The following BCL7A variants were observed in gnomAD, a reference collection of about 807,000 sequenced individuals.
The protein encoded by BCL7A is BAF chromatin remodeling complex subunit BCL7A.
Under a neutral mutation model 28.4 loss-of-function variants are expected in BCL7A, and 11 were observed. That is an observed-to-expected ratio of 0.39 (90% CI 0.24 to 0.64). The LOEUF (loss-of-function observed/expected upper bound fraction) is 0.64. BCL7A is among the 30% of genes least tolerant of loss of function. BCL7A has a pLI of 0.50. For missense variants in BCL7A, 222 were observed against 274.8 expected (o/e 0.81, Z 1.36); for synonymous variants, 123 against 103.3 (o/e 1.19, Z -1.15).
At chr12:122,026,099 C>G (rs1883623854) in intron 1 of BCL7A, among the ~76,000 whole-genome samples, 1 of 151,550 alleles carries the variant, frequency 6.6e-6, no homozygotes, top group Non-Finnish European at 1.5e-5. Flanking sequence ...AACCCCATCT[C>G]TACTAAAAAT....
chr12:122,042,196 T>A (rs1342991276), intron 3 of BCL7A, among the ~76,000 whole-genome samples: 1 of 152,208 alleles, frequency 6.6e-6, no homozygotes, highest in Admixed American at 6.5e-5. Context: ...CTTCTCTTTC[T>A]TCTTTGTATT....
intron 5 of BCL7A, among the ~76,000 whole-genome samples, chr12:122,056,104 C>T (rs1159290270): frequency 1.3e-5 from 2 of 152,192 alleles, no homozygotes; most frequent in Non-Finnish European, 2.9e-5. Flanking sequence ...AACATTCTTG[C>T]AGCGTGCAGT....
At chr12:122,023,728 T>A (rs1883535388) in intron 1 of BCL7A, among the ~76,000 whole-genome samples, 1 of 152,010 alleles carries the variant, frequency 6.6e-6, no homozygotes, top group Admixed American at 6.5e-5. Flanking sequence ...CTGGAGCCAT[T>A]TAAAAATGGC....
intron 4 of BCL7A, among the ~76,000 whole-genome samples, chr12:122,046,060 TAAAAAAAAAAAAAA>T (rs776315126): frequency 4.8e-5 from 3 of 62,864 alleles, no homozygotes; most frequent in African/African-American, 2.0e-4. Context: ...GAGACCTTGC[TAAAAAAAAAAAAAA>T]AAAAAAAAAG....
chr12:122,025,168 C>G (rs1883590373), intron 1 of BCL7A, among the ~76,000 whole-genome samples: 1 of 152,074 alleles, frequency 6.6e-6, no homozygotes, highest in African/African-American at 2.4e-5. Context: ...GAGAAGACCC[C>G]AGGGCGATGG....
intron 3 of BCL7A, 60 bp downstream of exon 3, chr12:122,035,487 G>C (rs1204986992): frequency 6.8e-7 from 1 of 1,473,660 alleles, no homozygotes; most frequent in East Asian, 2.3e-5. Flanking sequence ...CCAAGCACTC[G>C]GTCATGTTTT....
At chr12:122,048,574 A>G (rs1028973845) in intron 4 of BCL7A, among the ~76,000 whole-genome samples, 7 of 151,978 alleles carry the variant, frequency 4.6e-5, no homozygotes, top group Non-Finnish European at 1.5e-5. Context: ...AACGTGGTGA[A>G]ACCCTGTCTT....
At position 122,060,845 on chromosome 12, in the gene BCL7A, T is replaced by C. The variant is rs1767368412; in HGVS notation, c.*1682T>C. Reference sequence around the variant, plus strand: ...TCCTGCACTTCGAGAAGAATCAAAATGTTCCTGAATTTCAAATACCTCATG... The same window carrying C: ...TCCTGCACTTCGAGAAGAATCAAAACGTTCCTGAATTTCAAATACCTCATG... On this transcript the variant is annotated 3_prime_UTR_variant, in exon 6 of 6. Coordinates refer to ENST00000261822, the MANE Select transcript of BCL7A (RefSeq NM_001024808.3). 1 of 228,116 alleles carries C rather than the reference T, an allele frequency of 4.4e-6. No homozygotes were observed. The highest frequency in any genetic ancestry group is 6.3e-5 in the East Asian group (1 of 15,988). The allele number at this position is 228,116 out of a possible 1,614,324, so 14.1% of individuals were successfully genotyped here.
intron 3 of BCL7A, among the ~76,000 whole-genome samples, chr12:122,041,582 A>C (rs1364434397): frequency 6.7e-6 from 1 of 148,220 alleles, no homozygotes; most frequent in Non-Finnish European, 1.5e-5. Context: ...TGGGCAACAT[A>C]GTGAGACCCC....
chr12:122,027,735 G>A (rs191411013), intron 1 of BCL7A, among the ~76,000 whole-genome samples: 143 of 152,080 alleles, frequency 9.4e-4, no homozygotes, highest in African/African-American at 3.1e-3. Context: ...TACTCAGGAG[G>A]CTGAGGCAGG....
intron 1 of BCL7A, among the ~76,000 whole-genome samples, chr12:122,022,406 A>G (rs1883484196): frequency 2.1e-5 from 3 of 141,186 alleles, no homozygotes; most frequent in Admixed American, 6.9e-5. Flanking sequence ...TCGCGCCTGT[A>G]GCCCACCTGG....
chr12:122,022,246 G>A, intron 1 of BCL7A, 63 bp downstream of exon 1: 4 of 1,058,350 alleles, frequency 3.8e-6, no homozygotes, highest in Non-Finnish European at 4.7e-6. Flanking sequence ...CGCGGCTCCA[G>A]AGAGCCGCGG....
chr12:122,058,256 G>C (rs1421598803), intron 5 of BCL7A, among the ~76,000 whole-genome samples: 1 of 152,192 alleles, frequency 6.6e-6, no homozygotes, highest in East Asian at 1.9e-4. Context: ...TGTAATCCTA[G>C]CACTCTGGGA....
intron 1 of BCL7A, among the ~76,000 whole-genome samples, 166 bp downstream of exon 1, chr12:122,022,349 C>T (rs1330986450): frequency 7.0e-6 from 1 of 143,758 alleles, no homozygotes; most frequent in Non-Finnish European, 1.5e-5. Flanking sequence ...GCGCGCGAGC[C>T]GGGTCACCTG....
intron 1 of BCL7A, among the ~76,000 whole-genome samples, chr12:122,024,247 T>C (rs1883558892): frequency 6.6e-6 from 1 of 152,314 alleles, no homozygotes; most frequent in Admixed American, 6.5e-5. Flanking sequence ...AGCTTCCAGT[T>C]CACTTCGTTG....
rs1156239345 is a variant in BCL7A at position 122,043,907 on chromosome 12, C to T, written c.293C>T (p.Ser98Phe). The change falls in exon 4 of 6, where the codon TCC becomes TTC. Residue 98 changes from serine (S) to phenylalanine (F), a missense_variant. Transcript: ENST00000261822. ...DMHDDNSNQS[S>F]IADASPIKQE... ...ACAGACGATAACAGCAACCAGAGCTCCATCGCAGATGCCTCCCCCATCAAA... is the reference window on the plus strand; with the variant it reads ...ACAGACGATAACAGCAACCAGAGCTTCATCGCAGATGCCTCCCCCATCAAA... The T allele has an allele frequency of 1.2e-6, 2 of 1,613,734 alleles. No homozygotes were observed. The highest frequency in any genetic ancestry group is 1.3e-5 in the African/African-American group (1 of 75,004).
At chr12:122,039,504 ATAATATATATATT>A (rs914548138) in intron 3 of BCL7A, among the ~76,000 whole-genome samples, 2 of 140,762 alleles carry the variant, frequency 1.4e-5, no homozygotes, top group Non-Finnish European at 3.0e-5. Flanking sequence ...ATATATATAT[ATAATATATATATT>A]ATATATATTA....
At position 122,059,152 on chromosome 12, in the gene BCL7A, G is replaced by A. The variant is rs375806791; in HGVS notation, c.622G>A (p.Glu208Lys). Reference sequence around the variant, plus strand: ...ACTGGAGGCCTCTCAACAAAACTCCGAAGAGATGTAGACGATGCTTTAAAG... The same window carrying A: ...ACTGGAGGCCTCTCAACAAAACTCCAAAGAGATGTAGACGATGCTTTAAAG... ...MKLEASQQNS[E>K]EM Residue 208 changes from glutamate (E) to lysine (K), a missense_variant, in exon 6 of 6, where the codon GAA (glutamate) becomes AAA (lysine). This residue lies in a region of BCL7A where 155 missense variants were observed against 145.7 expected (regional missense o/e 1.06). Coordinates refer to ENST00000261822, the MANE Select transcript of BCL7A (RefSeq NM_001024808.3). This position sits in a 1 kb window ranked among gnomAD's most constrained non-coding sequence, Gnocchi z 4.0. The A allele has an allele frequency of 6.9e-5, 111 of 1,611,534 alleles. No individual in the cohort carries two copies. The highest frequency in any genetic ancestry group is 1.1e-4 in the South Asian group (10 of 91,032).
chr12:122,033,076 A>G (rs1281926931), intron 2 of BCL7A, among the ~76,000 whole-genome samples: 14 of 151,960 alleles, frequency 9.2e-5, no homozygotes, highest in Non-Finnish European at 1.6e-4. Flanking sequence ...TAGGTAAAAT[A>G]TGTTACAAAA....
Sources: allele counts gnomAD v4.1 joint callset (sites outside exome capture counted in the v4.1 genomes callset), GRCh38; gene constraint gnomAD v4.1.1; regional missense constraint gnomAD v4.1.1; non-coding constraint Gnocchi (gnomAD v3.1); transcripts MANE v1.5; gene names NCBI Gene and HGNC (gene_info 2026-07-23, HGNC 2026-07-21).